Variants in SYT16 observed in about 807,000 individuals in gnomAD.
SYT16 encodes the protein synaptotagmin 16.
In SYT16, 42 loss-of-function variants were observed where a neutral mutation model predicts 61.4. The observed-to-expected ratio is 0.68, with a 90% CI of 0.53 to 0.89. The LOEUF (loss-of-function observed/expected upper bound fraction) is 0.89, where lower values mean the gene tolerates loss of function less well. SYT16 is among the 40% of genes least tolerant of loss of function. The probability of loss-of-function intolerance (pLI) is 0.00; values close to 1 mark genes in which losing one functional copy is unlikely to be tolerated. For missense variants in SYT16, 804 were observed against 807.3 expected, an observed-to-expected ratio of 1.00 and a Z score of 0.05; for synonymous variants, 314 against 302.3, an observed-to-expected ratio of 1.04 and a Z score of -0.40.
intron 3 of SYT16, among the ~76,000 whole-genome samples, chr14:62,028,886 A>G (rs958648908): frequency 3.3e-5 from 5 of 152,234 alleles, no homozygotes; most frequent in Admixed American, 2.6e-4. Flanking sequence ...ACAGTACCTT[A>G]AAGTGTAATT....
intron 1 of SYT16, among the ~76,000 whole-genome samples, chr14:61,829,813 C>T (rs1373351129): frequency 6.6e-6 from 1 of 152,102 alleles, no homozygotes; most frequent in Non-Finnish European, 1.5e-5. Flanking sequence ...AGCCACCACG[C>T]CCAGCTAATT....
chr14:61,832,417 G>A (rs2045968325), intron 1 of SYT16: 3 of 486,728 alleles, frequency 6.2e-6, no homozygotes, highest in Non-Finnish European at 1.2e-5. Context: ...CCGGTGTCCC[G>A]CGACCCCAGT....
chr14:62,018,937 T>G (rs565022877), intron 3 of SYT16, among the ~76,000 whole-genome samples: 22 of 152,344 alleles, frequency 1.4e-4, no homozygotes, highest in African/African-American at 5.3e-4. Context: ...GCATCTGCGC[T>G]TGCCTCATGG....
chr14:62,022,440 T>TTAAGAGATGAAGTTTTATGTAC (rs1213346924), intron 3 of SYT16, among the ~76,000 whole-genome samples: 1 of 152,192 alleles, frequency 6.6e-6, no homozygotes, highest in East Asian at 1.9e-4. Flanking sequence ...ACTGGCTGTT[T>TTAAGAGATGAAGTTTTATGTAC]CTGCGAGTTC....
intron 5 of SYT16, among the ~76,000 whole-genome samples, chr14:62,076,766 C>A (rs2056512053): frequency 1.3e-5 from 2 of 152,228 alleles, no homozygotes; most frequent in South Asian, 4.1e-4. Flanking sequence ...GAATCTCTCT[C>A]CCAAAAACAA....
chr14:61,936,521 T>C (rs1034899879), intron 1 of SYT16, among the ~76,000 whole-genome samples: 6 of 152,160 alleles, frequency 3.9e-5, no homozygotes, highest in Non-Finnish European at 8.8e-5. Flanking sequence ...CATTTCTTAT[T>C]TTGATTAGGA....
At chr14:61,969,696 A>G (rs1435314813) in intron 1 of SYT16, among the ~76,000 whole-genome samples, 1 of 152,152 alleles carries the variant, frequency 6.6e-6, no homozygotes, top group Non-Finnish European at 1.5e-5. Context: ...TTATCTGAAA[A>G]TTTGTCTCAA....
intron 1 of SYT16, among the ~76,000 whole-genome samples, chr14:61,921,322 C>G (rs1439776711): frequency 6.6e-6 from 1 of 152,200 alleles, no homozygotes; most frequent in East Asian, 1.9e-4. Flanking sequence ...TGAATCAGGT[C>G]TAACTCCATT....
At chr14:61,927,902 T>A (rs917590564) in intron 1 of SYT16, among the ~76,000 whole-genome samples, 1 of 152,032 alleles carries the variant, frequency 6.6e-6, no homozygotes, top group African/African-American at 2.4e-5. Flanking sequence ...CTCAATTGAA[T>A]CAACTTTCTC....
intron 3 of SYT16, among the ~76,000 whole-genome samples, chr14:62,009,432 A>T (rs1323642990): frequency 6.6e-6 from 1 of 152,178 alleles, no homozygotes; most frequent in African/African-American, 2.4e-5. Flanking sequence ...GTCAGGAGTT[A>T]ATCATTGTAC....
intron 1 of SYT16, among the ~76,000 whole-genome samples, chr14:61,907,555 C>T (rs985099412): frequency 6.6e-5 from 10 of 152,198 alleles, no homozygotes; most frequent in Non-Finnish European, 1.0e-4. Context: ...CAGACTCACA[C>T]ACATGGCTGT....
chr14:61,990,163 A>C (rs572584827), intron 2 of SYT16, among the ~76,000 whole-genome samples: 1 of 152,234 alleles, frequency 6.6e-6, no homozygotes, highest in Admixed American at 6.5e-5. Context: ...TATAGTTCTT[A>C]TTTTGACTCC....
chr14:61,946,208 T>TA (rs576223244), intron 1 of SYT16, among the ~76,000 whole-genome samples: 267 of 151,214 alleles, frequency 1.8e-3, no homozygotes, highest in African/African-American at 6.0e-3. Flanking sequence ...TAAAGTACAA[T>TA]AAAAAAAAGG....
chr14:61,955,459 G>A (rs1319178122), intron 1 of SYT16, among the ~76,000 whole-genome samples: 1 of 151,896 alleles, frequency 6.6e-6, no homozygotes, highest in Non-Finnish European at 1.5e-5. Flanking sequence ...TTCTGCTCCA[G>A]CCGCTGGCAA....
At chr14:61,918,475 C>G (rs774003039) in intron 1 of SYT16, among the ~76,000 whole-genome samples, 23 of 151,934 alleles carry the variant, frequency 1.5e-4, no homozygotes, top group Non-Finnish European at 3.2e-4. Flanking sequence ...AGCCAAATGT[C>G]CAGTGATGAG....
intron 3 of SYT16, among the ~76,000 whole-genome samples, chr14:62,050,261 C>T (rs957013976): frequency 6.6e-6 from 1 of 152,170 alleles, no homozygotes; most frequent in Non-Finnish European, 1.5e-5. Flanking sequence ...CAGTTGATGG[C>T]ATCAGCTGCT....
chr14:61,820,870 A>G (rs1333781639), intron 1 of SYT16, among the ~76,000 whole-genome samples: 1 of 152,206 alleles, frequency 6.6e-6, no homozygotes, highest in South Asian at 2.1e-4. Context: ...ATACTCATAC[A>G]TAAATGACCT....
chr14:61,974,147 G>T (rs925543927), intron 2 of SYT16, among the ~76,000 whole-genome samples: 3 of 152,172 alleles, frequency 2.0e-5, no homozygotes, highest in Non-Finnish European at 4.4e-5. Context: ...CAGTGAGCAG[G>T]AGAACACTTG....
At chr14:61,928,573 C>T (rs1341206217) in intron 1 of SYT16, among the ~76,000 whole-genome samples, 2 of 152,056 alleles carry the variant, frequency 1.3e-5, no homozygotes, top group African/African-American at 4.8e-5. Flanking sequence ...AGGCATTTAC[C>T]TGATAATTTT....
Sources: allele counts gnomAD v4.1 joint callset (sites outside exome capture counted in the v4.1 genomes callset), GRCh38; gene constraint gnomAD v4.1.1; transcripts MANE v1.5; gene names NCBI Gene and HGNC (gene_info 2026-07-23, HGNC 2026-07-21).